The following SV2C variants were observed in gnomAD, a reference collection of about 807,000 sequenced individuals.
The protein encoded by SV2C is solute carrier family 22 member B3.
In SV2C, 49 loss-of-function variants were observed where a neutral mutation model predicts 79.7. The ratio of observed to expected loss-of-function variants is 0.61; its 90% CI spans 0.49 to 0.78. The LOEUF (loss-of-function observed/expected upper bound fraction) is 0.78, where lower values mean the gene tolerates loss of function less well. Among genes scored for constraint, SV2C ranks in the 30% least tolerant of loss-of-function variants. SV2C has a pLI of 0.00. For synonymous variants in SV2C, 334 were observed against 333.2 expected (o/e 1.00, Z -0.03); for missense variants, 833 against 912.9 (o/e 0.91, Z 1.13).
chr5:76,105,439 A>C (rs2112127329), intron 1 of SV2C, among the ~76,000 whole-genome samples: 1 of 152,268 alleles, frequency 6.6e-6, no homozygotes, highest in Middle Eastern at 3.4e-3. Flanking sequence ...TTTTAAACAA[A>C]GGAACCCAGG....
chr5:75,925,216 G>A, the SV2C span, among the ~76,000 whole-genome samples: 1 of 152,136 alleles, frequency 6.6e-6, no homozygotes, highest in East Asian at 1.9e-4. Context: ...TGTTCCCAGT[G>A]GGCAGTAAGG....
At chr5:75,993,894 G>A in the SV2C span, among the ~76,000 whole-genome samples, 2 of 152,004 alleles carry the variant, frequency 1.3e-5, no homozygotes, top group African/African-American at 4.8e-5. Flanking sequence ...TGGGCCAATA[G>A]CCAGAAATTG....
At chr5:76,281,695 G>T (rs1747201272) in intron 4 of SV2C, among the ~76,000 whole-genome samples, 1 of 152,154 alleles carries the variant, frequency 6.6e-6, no homozygotes, top group Non-Finnish European at 1.5e-5. Flanking sequence ...CCAGCCACCT[G>T]CATTCCCTAG....
the SV2C span, among the ~76,000 whole-genome samples, chr5:75,872,744 A>G: frequency 1.3e-5 from 2 of 152,104 alleles, no homozygotes; most frequent in African/African-American, 2.4e-5. Context: ...ATAAACGTGA[A>G]TATTTAAATA....
the SV2C span, among the ~76,000 whole-genome samples, chr5:75,897,028 C>T: frequency 2.3e-4 from 33 of 145,384 alleles, no homozygotes; most frequent in Non-Finnish European, 4.9e-4. Context: ...TGCCTGTTCA[C>T]TCTGATGGTA....
At chr5:76,149,629 A>G (rs1407774237) in intron 2 of SV2C, among the ~76,000 whole-genome samples, 1 of 152,258 alleles carries the variant, frequency 6.6e-6, no homozygotes, top group East Asian at 1.9e-4. Context: ...ACATCTATGT[A>G]TGAAGGGTGA....
chr5:75,881,833 T>C, the SV2C span, among the ~76,000 whole-genome samples: 3 of 148,908 alleles, frequency 2.0e-5, no homozygotes, highest in African/African-American at 7.6e-5. Flanking sequence ...TCCAACACTA[T>C]GTTGAATAGG....
chr5:75,930,921 C>G, the SV2C span, among the ~76,000 whole-genome samples: 2 of 152,138 alleles, frequency 1.3e-5, no homozygotes, highest in South Asian at 4.1e-4. Flanking sequence ...ATTGCTTGAG[C>G]CCAGGAGTTC....
chr5:76,092,327 A>G (rs951891730), intron 1 of SV2C, among the ~76,000 whole-genome samples: 1 of 152,210 alleles, frequency 6.6e-6, no homozygotes, highest in Non-Finnish European at 1.5e-5. Flanking sequence ...TTTTTCAAGC[A>G]TGTGTAAGTA....
intron 2 of SV2C, among the ~76,000 whole-genome samples, chr5:76,154,713 A>C (rs988790070): frequency 6.6e-6 from 1 of 152,140 alleles, no homozygotes; most frequent in Admixed American, 6.5e-5. Context: ...CATAAAACTA[A>C]CCACTTAAAG....
At chr5:76,254,948 T>C (rs1746222734) in intron 4 of SV2C, among the ~76,000 whole-genome samples, 1 of 152,204 alleles carries the variant, frequency 6.6e-6, no homozygotes, top group Non-Finnish European at 1.5e-5. Context: ...TGTTGATTTA[T>C]ATTTATTTTT....
chr5:76,250,503 G>A (rs926792118), intron 4 of SV2C, among the ~76,000 whole-genome samples: 5 of 152,256 alleles, frequency 3.3e-5, no homozygotes, highest in South Asian at 2.1e-4. Context: ...CTTTCCACCC[G>A]TGTTCTAGAT....
the SV2C span, among the ~76,000 whole-genome samples, chr5:76,033,764 GT>G: frequency 6.6e-6 from 1 of 152,092 alleles, no homozygotes; most frequent in Non-Finnish European, 1.5e-5. Context: ...CTTTCAAGTA[GT>G]TTTTTCCAAT....
At chr5:75,921,290 T>C in the SV2C span, 1 of 1,484,500 alleles carries the variant, frequency 6.7e-7, no homozygotes, top group South Asian at 1.2e-5. Context: ...ATCCCACTTG[T>C]CAAAAGGCTC....
At chr5:75,929,618 C>T in the SV2C span, among the ~76,000 whole-genome samples, 19 of 151,836 alleles carry the variant, frequency 1.3e-4, no homozygotes, top group African/African-American at 4.6e-4. Context: ...GGCTAATTAC[C>T]ACATGCATAT....
chr5:76,034,132 C>G, the SV2C span, among the ~76,000 whole-genome samples: 1 of 151,730 alleles, frequency 6.6e-6, no homozygotes, highest in Non-Finnish European at 1.5e-5. Context: ...TGCTTATCAG[C>G]TTAAGGAGAT....
chr5:76,009,648 T>C, the SV2C span, among the ~76,000 whole-genome samples: 118,478 of 152,126 alleles, frequency 0.78, 46,332 homozygotes, highest in Middle Eastern at 0.87. Flanking sequence ...AGCAAATTAA[T>C]TCAAGAAAAG....
intron 2 of SV2C, chr5:76,173,614 A>G (rs775722451): frequency 6.2e-7 from 1 of 1,604,372 alleles, no homozygotes; most frequent in Non-Finnish European, 8.5e-7. Flanking sequence ...TCAGAGCTAC[A>G]ATGCATTTAG....
intron 4 of SV2C, chr5:76,241,912 A>AAAAAT (rs926549939): frequency 2.1e-5 from 15 of 698,794 alleles, no homozygotes; most frequent in African/African-American, 3.6e-5. Flanking sequence ...TAGCTTTAAA[A>AAAAAT]AAAATAAAAT....
Sources: gnomAD v4.1 joint callset for allele counts (sites outside exome capture counted in the v4.1 genomes callset) on GRCh38, gnomAD v4.1.1 for gene constraint, MANE v1.5 for transcripts, NCBI Gene and HGNC (gene_info 2026-07-23, HGNC 2026-07-21) for gene names.